Variants in COL13A1 observed in about 807,000 individuals in gnomAD.
The protein encoded by COL13A1 is collagen alpha-1(XIII) chain.
In COL13A1, 89 loss-of-function variants were observed where a neutral mutation model predicts 130.9. That is an observed-to-expected ratio of 0.68 (90% CI 0.57 to 0.81). The LOEUF is 0.81. COL13A1 is among the 30% of genes least tolerant of loss of function. The pLI, the probability that COL13A1 is intolerant of heterozygous loss-of-function variation, is 0.00. For missense variants in COL13A1, 879 were observed against 934.6 expected (o/e 0.94, Z 0.78); for synonymous variants, 402 against 341.6 (o/e 1.18, Z -1.95).
At chr10:69,908,994 G>A (rs1231615041) in intron 17 of COL13A1, among the ~76,000 whole-genome samples, 3 of 152,188 alleles carry the variant, frequency 2.0e-5, no homozygotes, top group Non-Finnish European at 4.4e-5. Flanking sequence ...TTAGAGGCTG[G>A]ATAATGACTG....
At position 69,891,470 on chromosome 10, in the gene COL13A1, GC is replaced by G. The variant is rs537745785; in HGVS notation, c.603+2033del. On this transcript the variant is annotated intron_variant, in intron 10 of 40. Coordinates refer to ENST00000645393, the MANE Select transcript of COL13A1 (RefSeq NM_001368882.1). The stretch of plus-strand genomic sequence containing the variant: ...GGAGGAAGGGCACTGGAGGCAGAAG[GC>G]CCTGGAGGCAGTGGCAGAAGAGCTG... Among the ~76,000 whole-genome samples, 15 of 152,302 alleles carry G rather than the reference GC, an allele frequency of 9.8e-5. No homozygotes were observed. The South Asian group carries it at 3.1e-3, about 32-fold the overall frequency.
intron 2 of COL13A1, among the ~76,000 whole-genome samples, chr10:69,848,197 C>T (rs76687292): frequency 0.021 from 3,220 of 152,196 alleles, 121 homozygotes; most frequent in African/African-American, 0.073. Flanking sequence ...ATCAGATGGC[C>T]GCATCTGATC....
chr10:69,947,388 A>G (rs772750402), intron 38 of COL13A1, 46 bp downstream of exon 38: 6 of 1,549,504 alleles, frequency 3.9e-6, no homozygotes, highest in Admixed American at 3.7e-5. Flanking sequence ...TAATGTCTTC[A>G]TGATGGGGTG....
chr10:69,887,696 AGCAAATACACAAATTAAGGG>A (rs1291223780), intron 8 of COL13A1, among the ~76,000 whole-genome samples: 2 of 152,166 alleles, frequency 1.3e-5, no homozygotes, highest in African/African-American at 4.8e-5. Context: ...AATACAGGGG[AGCAAATACACAAATTAAGGG>A]GCAGCAGGAC....
intron 2 of COL13A1, chr10:69,824,015 C>A: frequency 6.6e-6 from 3 of 453,166 alleles, no homozygotes; most frequent in Admixed American, 2.5e-5. Context: ...TTTTGCTCAG[C>A]GTATAGAATG....
intron 39 of COL13A1, chr10:69,956,782 A>T: frequency 3.7e-6 from 2 of 543,776 alleles, no homozygotes; most frequent in Non-Finnish European, 3.4e-6. Context: ...TTGACGTTGC[A>T]CTATAGCTGC....
intron 18 of COL13A1, 66 bp from the exon 19 acceptor site, chr10:69,918,219 C>T (rs1416584719): frequency 1.0e-5 from 15 of 1,464,068 alleles, no homozygotes; most frequent in Middle Eastern, 2.4e-4. Flanking sequence ...TGTCCACTGC[C>T]CCCCGCCCCC....
chr10:69,828,626 A>G (rs1848083699), intron 2 of COL13A1, among the ~76,000 whole-genome samples: 1 of 152,144 alleles, frequency 6.6e-6, no homozygotes, highest in Non-Finnish European at 1.5e-5. Flanking sequence ...CTTTGTTCTC[A>G]GTTTCTACCT....
chr10:69,868,548 G>A (rs746814433), intron 3 of COL13A1, among the ~76,000 whole-genome samples: 1 of 152,222 alleles, frequency 6.6e-6, no homozygotes. Flanking sequence ...AAAGACCAGA[G>A]GGCGCTGGGG....
chr10:69,882,839 A>G (rs2060274656), intron 7 of COL13A1, among the ~76,000 whole-genome samples: 1 of 152,190 alleles, frequency 6.6e-6, no homozygotes, highest in African/African-American at 2.4e-5. Flanking sequence ...CAGTGGCTCG[A>G]GCTATCCCTG....
At chr10:69,929,143 C>T in intron 28 of COL13A1, 144 bp downstream of exon 28, 1 of 642,366 alleles carries the variant, frequency 1.6e-6, no homozygotes, top group Admixed American at 2.8e-5. Context: ...CCCGCCCACC[C>T]ACCTCCCAGC....
At chr10:69,843,451 A>G (rs939930577) in intron 2 of COL13A1, among the ~76,000 whole-genome samples, 2 of 152,178 alleles carry the variant, frequency 1.3e-5, no homozygotes, top group East Asian at 1.9e-4. Flanking sequence ...CTAACCACAC[A>G]TGACTGTATA....
chr10:69,923,777 A>G (rs1285897862), intron 23 of COL13A1, 25 bp from the exon 24 acceptor site: 1 of 1,604,760 alleles, frequency 6.2e-7, no homozygotes, highest in Non-Finnish European at 8.5e-7. Context: ...GCATGCCCTC[A>G]TCCCAACTCT....
intron 1 of COL13A1, among the ~76,000 whole-genome samples, chr10:69,803,422 C>T (rs1340087887): frequency 6.6e-6 from 1 of 152,210 alleles, no homozygotes; most frequent in East Asian, 1.9e-4. Context: ...TGGCAATCTT[C>T]GGAATACAGG....
intron 17 of COL13A1, among the ~76,000 whole-genome samples, chr10:69,906,959 G>A (rs2062825269): frequency 1.3e-5 from 2 of 152,068 alleles, no homozygotes; most frequent in Non-Finnish European, 2.9e-5. Flanking sequence ...TCGGTCTCTT[G>A]ACCTCATGAT....
intron 40 of COL13A1, among the ~76,000 whole-genome samples, chr10:69,957,301 G>C (rs1188287861): frequency 6.6e-6 from 1 of 152,194 alleles, no homozygotes; most frequent in African/African-American, 2.4e-5. Flanking sequence ...TGCTTTGTGT[G>C]TTCAATGTAC....
chr10:69,898,225 G>T lies in COL13A1; in HGVS notation c.685-472G>T, dbSNP rs569147437. On this transcript the variant is annotated intron_variant, in intron 13 of 40. Transcript: ENST00000645393. Reference sequence around the variant, plus strand: ...TTCAAGTACCAATTTCACGGGCCCGGTGGTTCCCTGGCCAGAGCCTCTGAG... The same window carrying T: ...TTCAAGTACCAATTTCACGGGCCCGTTGGTTCCCTGGCCAGAGCCTCTGAG... Among the ~76,000 whole-genome samples the T allele has an allele frequency of 5.9e-5, 9 of 152,302 alleles. No homozygotes were observed. The South Asian group carries it at 1.9e-3, about 32-fold the overall frequency.
At chr10:69,944,304 G>C in intron 36 of COL13A1, 126 bp downstream of exon 36, 1 of 815,722 alleles carries the variant, frequency 1.2e-6, no homozygotes, top group Non-Finnish European at 2.0e-6. Context: ...CCTCACAGCA[G>C]CCTGGGACAG....
At position 69,809,878 on chromosome 10, in the gene COL13A1, G is replaced by A. The variant is rs142269702; in HGVS notation, c.294+7161G>A. On this transcript the variant is annotated intron_variant, in intron 1 of 40. Transcript: ENST00000645393. ...TGGAATGCTTGGGCTTCCCAGGGTG[G>A]ATGGGTTTGTTCTTGTCTCTCGGAC... is the stretch of plus-strand genomic sequence containing the variant. 3.4e-3 allele frequency among the ~76,000 whole-genome samples: 524 copies of A among 152,352 alleles called. 3 individuals carry two copies. Among genetic ancestry groups the A allele is most frequent in the African/African-American group, 0.012 (501 of 41,572 alleles).
Sources: allele counts gnomAD v4.1 joint callset (sites outside exome capture counted in the v4.1 genomes callset), GRCh38; gene constraint gnomAD v4.1.1; transcripts MANE v1.5; gene names NCBI Gene and HGNC (gene_info 2026-07-23, HGNC 2026-07-21).